Variants in RNF212B observed in about 807,000 individuals in gnomAD.
RNF212B encodes the protein E3 ubiquitin-protein ligase RNF212B.
Under a neutral mutation model 55.5 loss-of-function variants are expected in RNF212B, and 52 were observed. That is an observed-to-expected ratio of 0.94 (90% CI 0.75 to 1.18). RNF212B has a LOEUF of 1.18. Among genes scored for constraint, RNF212B ranks in the 50% most tolerant of loss-of-function variants. RNF212B has a pLI of 0.00. For missense variants in RNF212B, 289 were observed against 350.4 expected (o/e 0.82, Z 1.40); for synonymous variants, 99 against 121.4 (o/e 0.82, Z 1.21).
intron 2 of RNF212B, among the ~76,000 whole-genome samples, chr14:23,222,477 A>G (rs1248823962): frequency 6.6e-6 from 1 of 152,162 alleles, no homozygotes; most frequent in Non-Finnish European, 1.5e-5. Flanking sequence ...AAGTAACAAG[A>G]TAGAAGTCAC....
At chr14:23,212,164 A>G (rs188401949) in intron 2 of RNF212B, among the ~76,000 whole-genome samples, 2 of 152,382 alleles carry the variant, frequency 1.3e-5, no homozygotes, top group East Asian at 3.9e-4. Flanking sequence ...AGAAAATTGT[A>G]GCCAGCCTTA....
In RNF212B at chr14:23,208,815, A is replaced by G. The variant is rs574270116; in HGVS notation, c.-2+15414A>G. 8.7e-3 allele frequency among the ~76,000 whole-genome samples: 1,033 copies of G among 118,092 alleles called. 17 individuals carry two copies. The highest frequency in any genetic ancestry group is 0.023 in the African/African-American group (699 of 29,932). The allele number at this position is 118,092 out of a possible 152,430, so 77.5% of individuals were successfully genotyped here. The stretch of plus-strand genomic sequence containing the variant: ...ACTCTGTCGCCCAGGCTGGAGTGCA[A>G]TGGCGCGATCTCAGGTCACTGCAAG... On this transcript the variant is annotated intron_variant, in intron 2 of 15. Transcript: ENST00000399910.
At chr14:23,188,671 CA>C (rs1336089593) in intron 1 of RNF212B, among the ~76,000 whole-genome samples, 3 of 152,002 alleles carry the variant, frequency 2.0e-5, no homozygotes, top group Non-Finnish European at 4.4e-5. Flanking sequence ...GGTCTTACTG[CA>C]TTACCCAGGC....
chr14:23,225,651 G>T (rs559970582), intron 2 of RNF212B, among the ~76,000 whole-genome samples: 1 of 151,974 alleles, frequency 6.6e-6, no homozygotes, highest in African/African-American at 2.4e-5. Flanking sequence ...TATTAGAGGC[G>T]GGGAAGGGTA....
At chr14:23,240,045 A>C (rs1883449498) in intron 1 of RNF212B, among the ~76,000 whole-genome samples, 1 of 151,866 alleles carries the variant, frequency 6.6e-6, no homozygotes, top group Admixed American at 6.6e-5. Flanking sequence ...AAAAAAAAAA[A>C]AATCTCACCA....
At chr14:23,225,785 A>G (rs1441286123) in intron 2 of RNF212B, among the ~76,000 whole-genome samples, 1 of 152,212 alleles carries the variant, frequency 6.6e-6, no homozygotes, top group Non-Finnish European at 1.5e-5. Flanking sequence ...ATTTAATCAT[A>G]CATTTAAAAA....
At chr14:23,249,012 T>C (rs1884214265) in intron 4 of RNF212B, among the ~76,000 whole-genome samples, 1 of 152,228 alleles carries the variant, frequency 6.6e-6, no homozygotes, top group Non-Finnish European at 1.5e-5. Context: ...ACAGACAGCA[T>C]GTAAGCAAAT....
upstream of RNF212B, among the ~76,000 whole-genome samples, chr14:23,237,030 C>G (rs1883160853): frequency 6.8e-6 from 1 of 146,970 alleles, no homozygotes; most frequent in Non-Finnish European, 1.5e-5. Flanking sequence ...GTGGCGTGAA[C>G]ACAGCTAACT....
chr14:23,255,376 A>G (rs139451786), intron 4 of RNF212B, among the ~76,000 whole-genome samples: 150 of 152,362 alleles, frequency 9.8e-4, no homozygotes, highest in African/African-American at 3.4e-3. Flanking sequence ...AATCCAGAGC[A>G]TGAAGACCAT....
At chr14:23,216,708 C>T (rs1881108820) in intron 2 of RNF212B, among the ~76,000 whole-genome samples, 1 of 151,522 alleles carries the variant, frequency 6.6e-6, no homozygotes, top group African/African-American at 2.4e-5. Flanking sequence ...GGTGAAACCC[C>T]ATCTCTACCA....
chr14:23,189,648 A>T (rs1241438243), intron 1 of RNF212B, among the ~76,000 whole-genome samples: 3 of 146,780 alleles, frequency 2.0e-5, no homozygotes, highest in East Asian at 2.0e-4. Context: ...ACTAAAAATT[A>T]AAAAAAAAAA....
intron 2 of RNF212B, among the ~76,000 whole-genome samples, chr14:23,230,679 A>G (rs1212986340): frequency 6.7e-6 from 1 of 150,242 alleles, no homozygotes; most frequent in Non-Finnish European, 1.5e-5. Flanking sequence ...AAAAAAAAAA[A>G]AAAACCATTG....
intron 10 of RNF212B, 50 bp from the exon 11 acceptor site, chr14:23,264,573 C>A: frequency 8.2e-7 from 1 of 1,216,708 alleles, no homozygotes; most frequent in Non-Finnish European, 1.1e-6. Flanking sequence ...ATAGGGAAGC[C>A]AGATAACTGA....
intron 1 of RNF212B, among the ~76,000 whole-genome samples, chr14:23,191,189 A>T (rs553538296): frequency 6.6e-5 from 10 of 152,090 alleles, no homozygotes; most frequent in Non-Finnish European, 1.2e-4. Flanking sequence ...CTCCATCCCT[A>T]CTAAAAATAC....
At chr14:23,263,033 T>A (rs1885414323) in intron 9 of RNF212B, 63 bp downstream of exon 9, 1 of 1,404,264 alleles carries the variant, frequency 7.1e-7, no homozygotes, top group Non-Finnish European at 9.9e-7. Context: ...AAATATCTAG[T>A]TGTAGCTCAG....
At chr14:23,238,397 G>T (rs559551865) in intron 1 of RNF212B, among the ~76,000 whole-genome samples, 2 of 151,826 alleles carry the variant, frequency 1.3e-5, no homozygotes, top group Non-Finnish European at 2.9e-5. Flanking sequence ...TAAATCTTAC[G>T]AAGTTTGTAT....
intron 4 of RNF212B, among the ~76,000 whole-genome samples, chr14:23,254,780 G>A (rs1422217986): frequency 6.6e-6 from 1 of 152,132 alleles, no homozygotes; most frequent in Non-Finnish European, 1.5e-5. Flanking sequence ...AACCTACTAA[G>A]CTCCCCCTTT....
At chr14:23,202,707 C>T (rs556897598) in intron 2 of RNF212B, among the ~76,000 whole-genome samples, 34 of 152,074 alleles carry the variant, frequency 2.2e-4, no homozygotes, top group Non-Finnish European at 4.6e-4. Flanking sequence ...AAAAATTAGC[C>T]GGGCATGGTG....
At chr14:23,233,846 C>T (rs1318678145), upstream of RNF212B, among the ~76,000 whole-genome samples, 7 of 152,162 alleles carry the variant, frequency 4.6e-5, no homozygotes, top group South Asian at 1.5e-3. Context: ...CCTGTAATCC[C>T]AGCACTTTGG....
Sources: allele counts gnomAD v4.1 joint callset (sites outside exome capture counted in the v4.1 genomes callset), GRCh38; gene constraint gnomAD v4.1.1; transcripts MANE v1.5; gene names NCBI Gene and HGNC (gene_info 2026-07-23, HGNC 2026-07-21).